PAX3: variants seen among roughly 807,000 people sequenced by gnomAD.
PAX3 encodes paired box protein Pax-3.
A neutral mutation model predicts 51.6 loss-of-function variants in PAX3; 14 were observed. The observed-to-expected ratio is 0.27, with a 90% CI of 0.18 to 0.42. The LOEUF (loss-of-function observed/expected upper bound fraction) is 0.42, where lower values mean the gene tolerates loss of function less well. Ranked by LOEUF, PAX3 falls within the 10% of genes least tolerant of loss-of-function variation. The pLI is 1.00. For synonymous variants in PAX3, 280 were observed against 253.4 expected (o/e 1.11, Z -1.00); for missense variants, 540 against 642.8 (o/e 0.84, Z 1.73).
chr2:222,269,656 T>TAAAA (rs36114578), intron 4 of PAX3, among the ~76,000 whole-genome samples: 1 of 142,914 alleles, frequency 7.0e-6, no homozygotes, highest in Non-Finnish European at 1.5e-5. Flanking sequence ...CACCTTTCCA[T>TAAAA]AAAAAAAAAA....
chr2:222,226,602 T>G (rs1692394645), intron 5 of PAX3, among the ~76,000 whole-genome samples: 1 of 151,960 alleles, frequency 6.6e-6, no homozygotes, highest in Non-Finnish European at 1.5e-5. Flanking sequence ...ACTATACAGA[T>G]CAGTTAGACG....
At chr2:222,210,026 C>G (rs1691666153) in intron 7 of PAX3, among the ~76,000 whole-genome samples, 1 of 152,184 alleles carries the variant, frequency 6.6e-6, no homozygotes, top group African/African-American at 2.4e-5. Flanking sequence ...CCTTAATTCT[C>G]TCCCATACCT....
chr2:222,213,220 A>C (rs1559257936), intron 7 of PAX3, among the ~76,000 whole-genome samples: 1 of 152,136 alleles, frequency 6.6e-6, no homozygotes, highest in Non-Finnish European at 1.5e-5. Context: ...AATTCACCAA[A>C]TTAAACTAAC....
intron 5 of PAX3, among the ~76,000 whole-genome samples, chr2:222,221,889 A>G (rs1031925584): frequency 1.2e-4 from 18 of 151,690 alleles, no homozygotes; most frequent in Admixed American, 6.6e-5. Context: ...TAAATTGAAC[A>G]GAGGATAAGT....
At chr2:222,225,412 G>C (rs954535915) in intron 5 of PAX3, among the ~76,000 whole-genome samples, 2 of 151,770 alleles carry the variant, frequency 1.3e-5, no homozygotes, top group African/African-American at 4.8e-5. Flanking sequence ...ATGATAACTA[G>C]GAAAAAAAGA....
intron 5 of PAX3, among the ~76,000 whole-genome samples, chr2:222,227,976 TG>T (rs777578766): frequency 6.6e-6 from 1 of 152,122 alleles, no homozygotes; most frequent in East Asian, 1.9e-4. Context: ...ATTTGGGGTT[TG>T]GGGGGTGTTT....
intron 7 of PAX3, among the ~76,000 whole-genome samples, chr2:222,203,011 T>TTATATATA (rs1454502969): frequency 2.4e-5 from 1 of 40,888 alleles, no homozygotes; most frequent in Non-Finnish European, 4.4e-5. Flanking sequence ...AACAACCATT[T>TTATATATA]CATATATATA....
At chr2:222,287,128 A>G (rs1694860030) in intron 4 of PAX3, among the ~76,000 whole-genome samples, 2 of 152,248 alleles carry the variant, frequency 1.3e-5, no homozygotes, top group African/African-American at 4.8e-5. Context: ...CCAACACTGT[A>G]GGGTAGAGCT....
intron 5 of PAX3, among the ~76,000 whole-genome samples, chr2:222,230,383 AG>A (rs1217587246): frequency 9.1e-6 from 1 of 109,728 alleles, no homozygotes; most frequent in African/African-American, 3.6e-5. Context: ...GGACACAGGG[AG>A]GGGAAAATCA....
chr2:222,248,067 G>C (rs556570181), intron 4 of PAX3, among the ~76,000 whole-genome samples: 1 of 152,100 alleles, frequency 6.6e-6, no homozygotes, highest in African/African-American at 2.4e-5. Flanking sequence ...ATCATCTATT[G>C]CTTAGTATTA....
intron 4 of PAX3, among the ~76,000 whole-genome samples, chr2:222,240,204 T>A (rs1692957828): frequency 6.6e-6 from 1 of 152,070 alleles, no homozygotes; most frequent in Non-Finnish European, 1.5e-5. Flanking sequence ...GGCCTGGCCG[T>A]GTGCTCCGTT....
At chr2:222,269,562 A>G (rs1308173302) in intron 4 of PAX3, among the ~76,000 whole-genome samples, 1 of 152,162 alleles carries the variant, frequency 6.6e-6, no homozygotes, top group Non-Finnish European at 1.5e-5. Context: ...AAACAAGAGT[A>G]AACAAATTTT....
At chr2:222,283,392 A>G (rs1277422377) in intron 4 of PAX3, among the ~76,000 whole-genome samples, 3 of 152,226 alleles carry the variant, frequency 2.0e-5, no homozygotes, top group African/African-American at 7.2e-5. Flanking sequence ...AAAAATGGTC[A>G]AGATACTGGC....
intron 5 of PAX3, among the ~76,000 whole-genome samples, chr2:222,225,833 C>A (rs375208217): frequency 9.2e-5 from 14 of 152,262 alleles, no homozygotes; most frequent in African/African-American, 3.1e-4. Context: ...TCTGAGAAAA[C>A]CAAGAATTGA....
intron 4 of PAX3, among the ~76,000 whole-genome samples, chr2:222,254,076 G>A (rs1693543061): frequency 6.6e-6 from 1 of 152,062 alleles, no homozygotes; most frequent in Non-Finnish European, 1.5e-5. Flanking sequence ...GAGCAGAACA[G>A]AGCTCACAGT....
chr2:222,296,161 T>C (rs1475890314), intron 2 of PAX3, among the ~76,000 whole-genome samples: 1 of 152,242 alleles, frequency 6.6e-6, no homozygotes, highest in East Asian at 1.9e-4. Context: ...CAAATATTAA[T>C]TAAGAGAGAC....
chr2:222,259,432 A>T (rs1693762983), intron 4 of PAX3, among the ~76,000 whole-genome samples: 2 of 152,252 alleles, frequency 1.3e-5, no homozygotes, highest in African/African-American at 2.4e-5. Context: ...CTTTACAGGT[A>T]ATACATGATA....
At chr2:222,267,732 C>A (rs1356898987) in intron 4 of PAX3, among the ~76,000 whole-genome samples, 2 of 152,112 alleles carry the variant, frequency 1.3e-5, no homozygotes, top group Non-Finnish European at 2.9e-5. Context: ...TAGTGACACC[C>A]CCTAACCACT....
chr2:222,267,229 C>G (rs1694084499), intron 4 of PAX3, among the ~76,000 whole-genome samples: 1 of 152,098 alleles, frequency 6.6e-6, no homozygotes, highest in African/African-American at 2.4e-5. Context: ...AAAAAAGAGA[C>G]TAGAAGGACA....
Sources: gnomAD v4.1 joint callset for allele counts (sites outside exome capture counted in the v4.1 genomes callset) on GRCh38, gnomAD v4.1.1 for gene constraint, MANE v1.5 for transcripts, NCBI Gene and HGNC (gene_info 2026-07-23, HGNC 2026-07-21) for gene names.